Variants in AXIN1 observed in about 807,000 individuals in gnomAD.
AXIN1 encodes axin 1.
AXIN1 carries 30 observed loss-of-function variants against 76.4 expected under a neutral mutation model. The ratio of observed to expected loss-of-function variants is 0.39; its 90% CI spans 0.29 to 0.53. The LOEUF is 0.53. AXIN1 is among the 20% of genes least tolerant of loss of function. AXIN1 has a pLI of 0.66. For synonymous variants in AXIN1, 545 were observed against 501.4 expected (o/e 1.09, Z -1.16); for missense variants, 1,140 against 1,198.8 (o/e 0.95, Z 0.72).
intron 2 of AXIN1, among the ~76,000 whole-genome samples, chr16:329,896 G>A (rs2053660101): frequency 6.6e-6 from 1 of 151,586 alleles, no homozygotes; most frequent in African/African-American, 2.4e-5. Flanking sequence ...GCCTCCCAGA[G>A]TGCTGGGATA....
Position 347,037 on chromosome 16 carries a change from G to C in AXIN1, c.-12C>G, listed in dbSNP as rs757335761. 4.3e-6 allele frequency: 7 copies of C among 1,613,870 alleles called. No homozygotes were observed. The highest frequency in any genetic ancestry group is 5.9e-6 in the Non-Finnish European group (7 of 1,180,044). On this transcript the variant is annotated 5_prime_UTR_variant, in exon 2 of 11. Coordinates refer to ENST00000262320, the MANE Select transcript of AXIN1 (RefSeq NM_003502.4). ...TCTTGGATATTCATTTTGGGACTCT[G>C]CGTCAAGGAACAATGAGCGCTGCAC...
intron 7 of AXIN1, 43 bp downstream of exon 7, chr16:297,013 G>A (rs758956213): frequency 1.9e-6 from 3 of 1,601,508 alleles, no homozygotes; most frequent in South Asian, 1.1e-5. Flanking sequence ...GCCAGGGGTG[G>A]CAAAGCAGGC....
intron 2 of AXIN1, among the ~76,000 whole-genome samples, chr16:327,445 C>T (rs562589935): frequency 6.6e-6 from 1 of 152,218 alleles, no homozygotes; most frequent in East Asian, 1.9e-4. Flanking sequence ...TAGGAGGCCT[C>T]GCTGTGGTTC....
intron 4 of AXIN1, among the ~76,000 whole-genome samples, chr16:305,598 T>C (rs959723256): frequency 1.4e-4 from 22 of 152,112 alleles, no homozygotes; most frequent in East Asian, 5.8e-4. Context: ...GGCTGGAGTG[T>C]AGTGGCGCGA....
chr16:334,917 C>T (rs1253088066), intron 2 of AXIN1, among the ~76,000 whole-genome samples: 2 of 152,150 alleles, frequency 1.3e-5, no homozygotes, highest in Non-Finnish European at 2.9e-5. Flanking sequence ...GAGAGAAACA[C>T]TCTGAGGCAG....
rs933997270 is a variant in AXIN1, at chr16:288,069, C to T, written c.*53G>A. 9.4e-5 allele frequency: 152 copies of T among 1,611,742 alleles called. No individual in the cohort carries two copies. Among genetic ancestry groups the T allele is most frequent in the Middle Eastern group, 8.2e-4 (5 of 6,062 alleles). On this transcript the variant is annotated 3_prime_UTR_variant, in exon 11 of 11. Transcript: ENST00000262320. ...TACGAGGTCATCTGCCTGGCCGTGACACCCGTGCCCGCCAAGGGCCTCGCC... is the reference window on the plus strand; with the variant it reads ...TACGAGGTCATCTGCCTGGCCGTGATACCCGTGCCCGCCAAGGGCCTCGCC...
At chr16:302,567 C>T (rs924853726) in intron 5 of AXIN1, among the ~76,000 whole-genome samples, 3 of 152,176 alleles carry the variant, frequency 2.0e-5, no homozygotes, top group Admixed American at 6.5e-5. Flanking sequence ...ATGGAGTGCC[C>T]GGCGCACGGT....
intron 3 of AXIN1, among the ~76,000 whole-genome samples, chr16:313,896 C>T: frequency 6.6e-6 from 1 of 152,370 alleles, no homozygotes; most frequent in East Asian, 1.9e-4. Context: ...GAGCGTCACA[C>T]ATGTGTGGCC....
chr16:296,198 C>A (rs899827557), intron 7 of AXIN1, among the ~76,000 whole-genome samples: 5 of 152,256 alleles, frequency 3.3e-5, no homozygotes, highest in Admixed American at 6.5e-5. Context: ...CCGATGGGGA[C>A]CCCAAGGCCT....
chr16:313,516 G>A (rs1200969203), intron 3 of AXIN1, among the ~76,000 whole-genome samples: 3 of 152,208 alleles, frequency 2.0e-5, no homozygotes, highest in African/African-American at 4.8e-5. Context: ...GGTGGTCCGC[G>A]GGCTCCAGCT....
intron 4 of AXIN1, among the ~76,000 whole-genome samples, chr16:306,994 G>C (rs1193642809): frequency 1.3e-5 from 2 of 152,258 alleles, no homozygotes; most frequent in Non-Finnish European, 2.9e-5. Flanking sequence ...AGGCTGGGTG[G>C]CTGGGGGGCC....
At chr16:303,306 C>T (rs987945681) in intron 5 of AXIN1, among the ~76,000 whole-genome samples, 1 of 152,056 alleles carries the variant, frequency 6.6e-6, no homozygotes. Context: ...CCAGGCCCCG[C>T]GTCTTCCTAG....
intron 1 of AXIN1, among the ~76,000 whole-genome samples, chr16:349,791 TTTG>T (rs2054106119): frequency 6.6e-6 from 1 of 152,118 alleles, no homozygotes; most frequent in Non-Finnish European, 1.5e-5. Context: ...ACTAATGGGT[TTTG>T]TTGTTTTGTT....
At chr16:327,641 C>T (rs1456162035) in intron 2 of AXIN1, among the ~76,000 whole-genome samples, 1 of 152,250 alleles carries the variant, frequency 6.6e-6, no homozygotes, top group Non-Finnish European at 1.5e-5. Flanking sequence ...CAGCCACCCA[C>T]ACCTGCCATC....
chr16:299,058 C>T (rs1382318307), intron 5 of AXIN1: 17 of 985,110 alleles, frequency 1.7e-5, no homozygotes, highest in South Asian at 4.7e-5. Flanking sequence ...TGAGCCGCCG[C>T]GCCCGGCCTC....
chr16:292,264 G>A (rs1362580307), intron 8 of AXIN1: 2 of 152,378 alleles, frequency 1.3e-5, no homozygotes, highest in Non-Finnish European at 2.9e-5. Context: ...GCATGGCAGG[G>A]GGCTCCAGCT....
intron 10 of AXIN1, 141 bp from the exon 11 acceptor site, chr16:288,389 C>A: frequency 1.6e-6 from 2 of 1,249,534 alleles, no homozygotes; most frequent in African/African-American, 3.0e-5. Context: ...ATGTGCGCCC[C>A]CTCCCAGGGC....
rs1431601002 is a variant in AXIN1, at chr16:309,983, G to C, written c.1106C>G (p.Pro369Arg). Reference protein sequence around the residue: ...SVQVNGRVPLPHIPRTYRVPK... With the variant: ...SVQVNGRVPLRHIPRTYRVPK... ...AAAGCCGGTACTTACGGGAATGTGAGGTAGGGGCACCCGCCCATTGACCTG... is the reference window on the plus strand; with the variant it reads ...AAAGCCGGTACTTACGGGAATGTGACGTAGGGGCACCCGCCCATTGACCTG... Residue 369 changes from proline to arginine, a missense_variant, in exon 4 of 11, where the codon CCT (proline) becomes CGT (arginine). Coordinates refer to ENST00000262320, the MANE Select transcript of AXIN1 (RefSeq NM_003502.4). 1.2e-6 allele frequency: 2 copies of C among 1,613,462 alleles called. No individual in the cohort carries two copies. The highest frequency in any genetic ancestry group is 1.7e-6 in the Non-Finnish European group (2 of 1,179,986).
At chr16:337,745 C>T (rs2053836247) in intron 2 of AXIN1, among the ~76,000 whole-genome samples, 1 of 152,268 alleles carries the variant, frequency 6.6e-6, no homozygotes, top group Non-Finnish European at 1.5e-5. Context: ...CTGCAATCCA[C>T]ACAAGCCAGC....
Sources: gnomAD v4.1 joint callset for allele counts (sites outside exome capture counted in the v4.1 genomes callset) on GRCh38, gnomAD v4.1.1 for gene constraint, MANE v1.5 for transcripts, NCBI Gene and HGNC (gene_info 2026-07-23, HGNC 2026-07-21) for gene names.